C3orf70: variants seen among roughly 807,000 people sequenced by gnomAD.
C3orf70 encodes UPF0524 protein C3orf70.
A neutral mutation model predicts 20.7 loss-of-function variants in C3orf70; 15 were observed. The ratio of observed to expected loss-of-function variants is 0.72; its 90% CI spans 0.48 to 1.11. The LOEUF is 1.11. Ranked by LOEUF, C3orf70 falls within the 50% of genes most tolerant of loss-of-function variation. C3orf70 has a pLI of 0.00. For synonymous variants in C3orf70, 161 were observed against 125.7 expected, an observed-to-expected ratio of 1.28 and a Z score of -1.88; for missense variants, 332 against 317.6, an observed-to-expected ratio of 1.05 and a Z score of -0.34.
intron 1 of C3orf70, among the ~76,000 whole-genome samples, chr3:185,145,931 G>A (rs1036668039): frequency 4.6e-5 from 7 of 152,072 alleles, no homozygotes; most frequent in African/African-American, 7.2e-5. Flanking sequence ...ACCTATCAGC[G>A]TTCTCTATCT....
At chr3:185,120,393 A>G (rs1277251332) in intron 1 of C3orf70, among the ~76,000 whole-genome samples, 1 of 152,198 alleles carries the variant, frequency 6.6e-6, no homozygotes, top group Non-Finnish European at 1.5e-5. Flanking sequence ...AAACAAATAG[A>G]TATGCAGGGC....
At chr3:185,091,939 ATATATATATATATATATATATATATTTT>A (rs1170324583) in intron 1 of C3orf70, among the ~76,000 whole-genome samples, 138 of 5,868 alleles carry the variant, frequency 0.024, 10 homozygotes, top group South Asian at 0.17. Flanking sequence ...ATATATATAT[ATATATATATATATATATATATATATTTT>A]TTTTTTTTTT....
At chr3:185,114,194 C>T (rs546010616) in intron 1 of C3orf70, among the ~76,000 whole-genome samples, 5 of 150,508 alleles carry the variant, frequency 3.3e-5, no homozygotes, top group South Asian at 2.1e-4. Flanking sequence ...AGCAAAACTC[C>T]GCCCCCACCC....
intron 1 of C3orf70, among the ~76,000 whole-genome samples, chr3:185,117,418 T>TACACACACACAAACAC (rs1716197621): frequency 1.5e-5 from 2 of 135,112 alleles, no homozygotes; most frequent in African/African-American, 5.3e-5. Flanking sequence ...ACCACACACA[T>TACACACACACAAACAC]ACACACACAC....
intron 1 of C3orf70, among the ~76,000 whole-genome samples, chr3:185,142,284 C>G (rs1394151757): frequency 6.6e-6 from 1 of 152,020 alleles, no homozygotes; most frequent in Non-Finnish European, 1.5e-5. Context: ...ACAGTGAAAC[C>G]CCCCTCTCTA....
chr3:185,113,802 T>G (rs114973941), intron 1 of C3orf70, among the ~76,000 whole-genome samples: 3 of 152,222 alleles, frequency 2.0e-5, no homozygotes, highest in African/African-American at 7.2e-5. Flanking sequence ...CATGGCTTAG[T>G]ACCTGGAATA....
rs183877957 is a variant in C3orf70 at position 185,147,448 on chromosome 3, T to G, written c.196+5180A>C. Among the ~76,000 whole-genome samples, 384 of 152,338 alleles carry G rather than the reference T, an allele frequency of 2.5e-3. 1 individual carries two copies. The highest frequency in any genetic ancestry group is 9.1e-3 in the African/African-American group (377 of 41,568). ...TTGATACAACTTGCCACCCATTTCT[T>G]AAAAACTTTCCCCATCATTGGCTTT... On this transcript the variant is annotated intron_variant, in intron 1 of 1. Transcript: ENST00000335012.
At position 185,079,397 on chromosome 3, in the gene C3orf70, T is replaced by C. The variant is rs1260888724; in HGVS notation, c.*3610A>G. 6.6e-6 allele frequency: 1 copy of C among 152,120 alleles called. No homozygotes were observed. Among genetic ancestry groups the C allele is most frequent in the African/African-American group, 2.4e-5 (1 of 41,422 alleles). The allele number at this position is 152,120 out of a possible 1,614,324, so 9.4% of individuals were successfully genotyped here. On this transcript the variant is annotated 3_prime_UTR_variant, in exon 2 of 2. Transcript: ENST00000335012. Reference sequence around the variant, plus strand: ...TGTTCTGCTCTTGGTGCTTTTGTTTTTGTTTTATTTTGTATTGTATGACCT... The same window carrying C: ...TGTTCTGCTCTTGGTGCTTTTGTTTCTGTTTTATTTTGTATTGTATGACCT...
chr3:185,083,644 A>G, intron 1 of C3orf70, 81 bp from the exon 2 acceptor site: 1 of 1,211,224 alleles, frequency 8.3e-7, no homozygotes, highest in Non-Finnish European at 1.1e-6. Context: ...TGAGGACTCA[A>G]TGTCTTTAAA....
rs201068319 is a variant in C3orf70, at chr3:185,109,788, A to AT, written c.197-26226dup. Reference sequence around the variant, plus strand: ...ACGCTTTCTGATCTCAGTATTTACCATAATAAATCTGCTCCTATAATTGAG... The same window carrying AT: ...ACGCTTTCTGATCTCAGTATTTACCATTAATAAATCTGCTCCTATAATTGAG... On this transcript the variant is annotated intron_variant, in intron 1 of 1. Transcript: ENST00000335012. Among the ~76,000 whole-genome samples the AT allele has an allele frequency of 7.1e-3, 1,085 of 152,308 alleles. 19 individuals are homozygous for AT. The highest frequency in any genetic ancestry group is 0.025 in the African/African-American group (1,040 of 41,554).
intron 1 of C3orf70, among the ~76,000 whole-genome samples, chr3:185,117,418 T>TACACACAC (rs141665642): frequency 7.4e-6 from 1 of 135,110 alleles, no homozygotes; most frequent in African/African-American, 2.7e-5. Context: ...ACCACACACA[T>TACACACAC]ACACACACAC....
intron 1 of C3orf70, among the ~76,000 whole-genome samples, chr3:185,092,715 A>G (rs1715617746): frequency 6.6e-6 from 1 of 152,194 alleles, no homozygotes; most frequent in African/African-American, 2.4e-5. Flanking sequence ...ATTTGGGGCC[A>G]GGCACGGTGG....
At chr3:185,135,605 A>G (rs961870146) in intron 1 of C3orf70, among the ~76,000 whole-genome samples, 2 of 152,260 alleles carry the variant, frequency 1.3e-5, no homozygotes, top group African/African-American at 4.8e-5. Flanking sequence ...TATAGTTAAC[A>G]GCAATGTATT....
chr3:185,129,227 C>T (rs1440532597), intron 1 of C3orf70, among the ~76,000 whole-genome samples: 1 of 152,162 alleles, frequency 6.6e-6, no homozygotes, highest in Non-Finnish European at 1.5e-5. Context: ...TGGCCCCCCT[C>T]CGTCTGCCCT....
At chr3:185,091,987 C>G (rs1373105778) in intron 1 of C3orf70, among the ~76,000 whole-genome samples, 1 of 107,954 alleles carries the variant, frequency 9.3e-6, no homozygotes, top group South Asian at 3.1e-4. Flanking sequence ...TTAGTAGAGA[C>G]AGGGTTTCAC....
At chr3:185,097,160 A>G (rs1033856129) in intron 1 of C3orf70, among the ~76,000 whole-genome samples, 10 of 152,170 alleles carry the variant, frequency 6.6e-5, no homozygotes, top group Non-Finnish European at 1.3e-4. Context: ...GATTTCTTAC[A>G]GTAGTAATTT....
At chr3:185,116,370 A>G (rs1478822663) in intron 1 of C3orf70, among the ~76,000 whole-genome samples, 1 of 152,208 alleles carries the variant, frequency 6.6e-6, no homozygotes, top group African/African-American at 2.4e-5. Flanking sequence ...CAAATATTAT[A>G]GTACAGATAG....
At chr3:185,109,468 T>A (rs78981713) in intron 1 of C3orf70, among the ~76,000 whole-genome samples, 7,919 of 152,190 alleles carry the variant, frequency 0.052, 676 homozygotes, top group African/African-American at 0.18. Context: ...TGCAGCCATG[T>A]CGAGGCTGAT....
At position 185,117,728 on chromosome 3, in the gene C3orf70, T is replaced by C. The variant is rs536794860; in HGVS notation, c.197-34165A>G. On this transcript the variant is annotated intron_variant, in intron 1 of 1. Transcript: ENST00000335012. ...AAAAGGCAATTTTCCTAGAAAGGTA[T>C]ACAAGGCTTTCCATGATCTTGTTCC... Among the ~76,000 whole-genome samples the C allele has an allele frequency of 2.0e-5, 3 of 152,332 alleles. No homozygotes were observed. In the East Asian group the frequency reaches 5.8e-4, roughly 29 times the overall value.
Sources: gnomAD v4.1 joint callset for allele counts (sites outside exome capture counted in the v4.1 genomes callset) on GRCh38, gnomAD v4.1.1 for gene constraint, MANE v1.5 for transcripts, NCBI Gene and HGNC (gene_info 2026-07-23, HGNC 2026-07-21) for gene names.